NRG1: variants seen among roughly 807,000 people sequenced by gnomAD.
NRG1 encodes neuregulin 1, also known as pro-neuregulin-1, membrane-bound isoform.
A neutral mutation model predicts 63.8 loss-of-function variants in NRG1; 18 were observed. The ratio of observed to expected loss-of-function variants is 0.28; its 90% CI spans 0.19 to 0.42. NRG1 has a LOEUF of 0.42. Among genes scored for constraint, NRG1 ranks in the 10% least tolerant of loss-of-function variants. The pLI is 1.00. For missense variants in NRG1, 762 were observed against 814.7 expected (o/e 0.94, Z 0.79); for synonymous variants, 302 against 301.3 (o/e 1.00, Z -0.02).
chr8:32,210,513 G>A (rs73576665), intron 1 of NRG1, among the ~76,000 whole-genome samples: 2,035 of 152,248 alleles, frequency 0.013, 53 homozygotes, highest in African/African-American at 0.046. Context: ...CTTTTGTAAC[G>A]TGTGACCTTC....
chr8:31,853,929 T>C (rs1355713201), intron 1 of NRG1, among the ~76,000 whole-genome samples: 2 of 151,474 alleles, frequency 1.3e-5, no homozygotes, highest in Non-Finnish European at 2.9e-5. Flanking sequence ...GATTTGCGTG[T>C]ATTGAACCAG....
chr8:32,739,413 T>C (rs775216456), intron 6 of NRG1, among the ~76,000 whole-genome samples: 3 of 152,194 alleles, frequency 2.0e-5, no homozygotes, highest in Non-Finnish European at 2.9e-5. Context: ...ATCTCCCAAA[T>C]GAAGACAAAC....
At chr8:32,111,700 G>A (rs1038490104) in intron 1 of NRG1, among the ~76,000 whole-genome samples, 2 of 152,106 alleles carry the variant, frequency 1.3e-5, no homozygotes, top group African/African-American at 4.8e-5. Flanking sequence ...TAGTAAACAG[G>A]GTTTGTCAAG....
At chr8:32,468,982 T>C (rs1048370599) in intron 1 of NRG1, among the ~76,000 whole-genome samples, 10 of 152,180 alleles carry the variant, frequency 6.6e-5, no homozygotes, top group South Asian at 4.1e-4. Context: ...AAGGCAGAGT[T>C]TATCCTTCCA....
At chr8:32,034,786 G>C (rs901656924) in intron 1 of NRG1, among the ~76,000 whole-genome samples, 2 of 152,102 alleles carry the variant, frequency 1.3e-5, no homozygotes, top group African/African-American at 4.8e-5. Context: ...TGTGGGGTCA[G>C]TGGTGATATC....
intron 1 of NRG1, among the ~76,000 whole-genome samples, chr8:31,821,721 G>A (rs1414585052): frequency 6.6e-6 from 1 of 151,756 alleles, no homozygotes; most frequent in Non-Finnish European, 1.5e-5. Context: ...TGATGTACTT[G>A]AAAAAAACAC....
intron 5 of NRG1, among the ~76,000 whole-genome samples, chr8:32,630,090 C>T (rs1850004748): frequency 1.3e-5 from 2 of 152,154 alleles, no homozygotes; most frequent in Non-Finnish European, 2.9e-5. Context: ...TCTGACTCTT[C>T]ATCCTGTGTT....
chr8:31,896,638 A>G (rs1204678466), intron 1 of NRG1, among the ~76,000 whole-genome samples: 2 of 152,172 alleles, frequency 1.3e-5, no homozygotes, highest in East Asian at 1.9e-4. Context: ...CAGGTTTCTG[A>G]TTCAGTTGAT....
intron 1 of NRG1, among the ~76,000 whole-genome samples, chr8:31,824,564 A>C (rs1824351276): frequency 6.6e-6 from 1 of 152,262 alleles, no homozygotes; most frequent in East Asian, 1.9e-4. Flanking sequence ...GGCTGAGATC[A>C]ATAAATCTTA....
At chr8:32,598,249 G>T (rs1183875518) in intron 2 of NRG1, among the ~76,000 whole-genome samples, 4 of 152,094 alleles carry the variant, frequency 2.6e-5, no homozygotes, top group Non-Finnish European at 5.9e-5. Context: ...AGCAGGGGAG[G>T]AGGAAGGGAG....
At chr8:32,668,190 G>C (rs1221206834) in intron 5 of NRG1, among the ~76,000 whole-genome samples, 2 of 150,218 alleles carry the variant, frequency 1.3e-5, no homozygotes, top group Non-Finnish European at 3.0e-5. Flanking sequence ...TCCAGCCAGG[G>C]CGACAGAGTG....
At chr8:32,552,184 C>T (rs1321519936) in intron 1 of NRG1, among the ~76,000 whole-genome samples, 3 of 147,868 alleles carry the variant, frequency 2.0e-5, no homozygotes, top group South Asian at 2.1e-4. Flanking sequence ...GCTGGGATTA[C>T]GGGCATGAGC....
At chr8:32,057,088 T>G (rs1268079535) in intron 1 of NRG1, among the ~76,000 whole-genome samples, 1 of 152,188 alleles carries the variant, frequency 6.6e-6, no homozygotes, top group Non-Finnish European at 1.5e-5. Context: ...GTCAGCTTCT[T>G]CACCATAAAG....
intron 7 of NRG1, chr8:32,749,462 T>C: frequency 1.7e-6 from 2 of 1,210,156 alleles, no homozygotes; most frequent in East Asian, 2.3e-5. Flanking sequence ...CAGAGAGCCA[T>C]AATAGTCATG....
At chr8:31,794,469 C>T (rs1458589227) in intron 1 of NRG1, among the ~76,000 whole-genome samples, 1 of 150,648 alleles carries the variant, frequency 6.6e-6, no homozygotes, top group Non-Finnish European at 1.5e-5. Flanking sequence ...ATGAGGGAAA[C>T]TGTGTAAATA....
chr8:32,647,098 T>C (rs1283932474), intron 5 of NRG1: 5 of 985,218 alleles, frequency 5.1e-6, no homozygotes, highest in Non-Finnish European at 6.0e-6. Context: ...CACTCTTGCC[T>C]CCGGAGCCCT....
At chr8:31,871,566 G>T (rs1269772206) in intron 1 of NRG1, among the ~76,000 whole-genome samples, 1 of 151,958 alleles carries the variant, frequency 6.6e-6, no homozygotes, top group African/African-American at 2.4e-5. Flanking sequence ...TCCAGAGTCT[G>T]CCCATAGGCC....
chr8:31,735,780 G>C (rs1315124147), intron 1 of NRG1, among the ~76,000 whole-genome samples: 1 of 152,124 alleles, frequency 6.6e-6, no homozygotes, highest in Non-Finnish European at 1.5e-5. Context: ...TCGCAAGATG[G>C]CATCTCCTGT....
At chr8:32,748,306 C>A (rs1014008210) in intron 7 of NRG1, among the ~76,000 whole-genome samples, 3 of 151,360 alleles carry the variant, frequency 2.0e-5, no homozygotes, top group African/African-American at 7.3e-5. Context: ...GCTTCTTGAC[C>A]ACACACATAG....
Sources: gnomAD v4.1 joint callset for allele counts (sites outside exome capture counted in the v4.1 genomes callset) on GRCh38, gnomAD v4.1.1 for gene constraint, MANE v1.5 for transcripts, NCBI Gene and HGNC (gene_info 2026-07-23, HGNC 2026-07-21) for gene names.